The following F13A1 variants were observed in gnomAD, a reference collection of about 807,000 sequenced individuals.
The protein encoded by F13A1 is coagulation factor XIII A chain.
F13A1 carries 47 observed loss-of-function variants against 80.1 expected under a neutral mutation model. That is an observed-to-expected ratio of 0.59 (90% CI 0.46 to 0.75). The LOEUF (loss-of-function observed/expected upper bound fraction) is 0.75, where lower values mean the gene tolerates loss of function less well. Ranked by LOEUF, F13A1 falls within the 30% of genes least tolerant of loss-of-function variation. F13A1 has a pLI of 0.00. For synonymous variants in F13A1, 349 were observed against 344.9 expected, an observed-to-expected ratio of 1.01 and a Z score of -0.13; for missense variants, 817 against 930.4, an observed-to-expected ratio of 0.88 and a Z score of 1.59.
intron 3 of F13A1, among the ~76,000 whole-genome samples, chr6:6,267,911 CT>C (rs1474741468): frequency 1.3e-5 from 2 of 152,156 alleles, no homozygotes; most frequent in Non-Finnish European, 2.9e-5. Context: ...AAAGCTTCAC[CT>C]TTGTACTAAC....
chr6:6,262,294 C>T (rs955534539), intron 4 of F13A1, among the ~76,000 whole-genome samples: 31 of 152,344 alleles, frequency 2.0e-4, no homozygotes, highest in African/African-American at 7.0e-4. Context: ...CCACAGAGTG[C>T]ATCCTTCCTG....
intron 14 of F13A1, among the ~76,000 whole-genome samples, chr6:6,148,487 T>G (rs748116968): frequency 1.3e-5 from 2 of 152,222 alleles, no homozygotes; most frequent in East Asian, 3.8e-4. Flanking sequence ...ATTTAAGAGC[T>G]GTATTCTAGA....
intron 3 of F13A1, among the ~76,000 whole-genome samples, chr6:6,299,483 CTTCATTTCG>C (rs1254476625): frequency 7.9e-6 from 1 of 126,220 alleles, no homozygotes; most frequent in African/African-American, 4.3e-5. Flanking sequence ...TCCCTTCTCA[CTTCATTTCG>C]TTCATTTCAT....
chr6:6,217,463 G>A (rs185040338), intron 8 of F13A1, among the ~76,000 whole-genome samples: 1 of 146,850 alleles, frequency 6.8e-6, no homozygotes, highest in Admixed American at 7.0e-5. Context: ...TCACTCATAG[G>A]TGGGAATTGA....
intron 5 of F13A1, among the ~76,000 whole-genome samples, chr6:6,249,577 G>A (rs765649178): frequency 6.6e-6 from 1 of 152,174 alleles, no homozygotes; most frequent in African/African-American, 2.4e-5. Flanking sequence ...AGGCAAGCTG[G>A]CGAAGAGTGC....
chr6:6,314,350 C>T (rs1758650496), intron 2 of F13A1, among the ~76,000 whole-genome samples: 1 of 152,098 alleles, frequency 6.6e-6, no homozygotes, highest in African/African-American at 2.4e-5. Flanking sequence ...TCAAGTCCCG[C>T]ATTATCTGCA....
chr6:6,261,598 A>G, intron 4 of F13A1, among the ~76,000 whole-genome samples: 1 of 82,548 alleles, frequency 1.2e-5, no homozygotes. Context: ...GGTGATTCTG[A>G]TGTGTTCCAA....
At chr6:6,248,527 T>A in intron 5 of F13A1, 108 bp from the exon 6 acceptor site, 2 of 829,270 alleles carry the variant, frequency 2.4e-6, no homozygotes, top group Non-Finnish European at 4.0e-6. Flanking sequence ...GAAATGTGTG[T>A]TTCCTGTATA....
At chr6:6,163,586 G>A (rs578041325) in intron 13 of F13A1, among the ~76,000 whole-genome samples, 1 of 152,264 alleles carries the variant, frequency 6.6e-6, no homozygotes, top group South Asian at 2.1e-4. Flanking sequence ...GTGAGAACGT[G>A]CAGTATTCGG....
At chr6:6,299,384 A>G (rs1024094125) in intron 3 of F13A1, among the ~76,000 whole-genome samples, 2 of 130,888 alleles carry the variant, frequency 1.5e-5, no homozygotes, top group African/African-American at 7.4e-5. Context: ...TTTCAGGTAC[A>G]CCAATCAGAC....
At chr6:6,232,965 G>A (rs1757371803) in intron 6 of F13A1, among the ~76,000 whole-genome samples, 1 of 152,082 alleles carries the variant, frequency 6.6e-6, no homozygotes, top group African/African-American at 2.4e-5. Context: ...GTGCTAGGAG[G>A]AAAGTTCATA....
At chr6:6,245,996 C>G (rs1449586910) in intron 6 of F13A1, among the ~76,000 whole-genome samples, 4 of 152,224 alleles carry the variant, frequency 2.6e-5, no homozygotes, top group Non-Finnish European at 5.9e-5. Context: ...GGCCTGGGCC[C>G]AGCCCCTGAG....
chr6:6,280,942 A>T (rs1482268205), intron 3 of F13A1, among the ~76,000 whole-genome samples: 3 of 152,188 alleles, frequency 2.0e-5, no homozygotes, highest in African/African-American at 7.2e-5. Flanking sequence ...GAGTGCTTTA[A>T]GCATGTACCC....
intron 6 of F13A1, among the ~76,000 whole-genome samples, chr6:6,237,936 T>C (rs1161475310): frequency 1.3e-5 from 2 of 152,214 alleles, no homozygotes; most frequent in East Asian, 3.8e-4. Context: ...AGAATGCCAA[T>C]AGGCACTTCA....
At chr6:6,191,315 T>G (rs946961496) in intron 10 of F13A1, among the ~76,000 whole-genome samples, 8 of 152,218 alleles carry the variant, frequency 5.3e-5, no homozygotes, top group Non-Finnish European at 1.2e-4. Flanking sequence ...TGGTACTACT[T>G]GTGAAAGCCC....
At position 6,164,833 on chromosome 6, in the gene F13A1, T is replaced by TCCCTCCCTTC. The variant is rs1760638466; in HGVS notation, c.1908+2615_1908+2624dup. 2.2e-5 allele frequency among the ~76,000 whole-genome samples: 3 copies of TCCCTCCCTTC among 138,618 alleles called. No homozygotes were observed. The Admixed American group carries it at 2.2e-4, about 10-fold the overall frequency. The allele number at this position is 138,618 out of a possible 152,430, so 90.9% of individuals were successfully genotyped here. A position where few individuals can be genotyped will look rare whatever the true frequency, so the allele number is the denominator to read the frequency against. On this transcript the variant is annotated intron_variant, in intron 13 of 14. Transcript: ENST00000264870. ...CTCTCCCCTCTGTTCTTCTCTCCTCTCCCTCCCTTCCCCTCCCTCCTTCCC... is the reference window on the plus strand; with the variant it reads ...CTCTCCCCTCTGTTCTTCTCTCCTCTCCCTCCCTTCCCCTCCCTTCCCCTCCCTCCTTCCC...
At chr6:6,294,895 T>G (rs13212799) in intron 3 of F13A1, among the ~76,000 whole-genome samples, 1 of 77,420 alleles carries the variant, frequency 1.3e-5, no homozygotes, top group Non-Finnish European at 2.4e-5. Context: ...CCCTCCCCCC[T>G]CCCCCCACCC....
intron 8 of F13A1, among the ~76,000 whole-genome samples, chr6:6,209,945 G>T (rs1488902419): frequency 6.6e-6 from 1 of 152,092 alleles, no homozygotes; most frequent in Non-Finnish European, 1.5e-5. Flanking sequence ...ACTAAAAATG[G>T]CCTAGTGCCG....
At chr6:6,179,074 A>G (rs75812973) in intron 11 of F13A1, among the ~76,000 whole-genome samples, 4 of 152,266 alleles carry the variant, frequency 2.6e-5, no homozygotes, top group African/African-American at 4.8e-5. Context: ...AGATTTTTGT[A>G]ATTTTTGTTT....
Sources: allele counts gnomAD v4.1 joint callset (sites outside exome capture counted in the v4.1 genomes callset), GRCh38; gene constraint gnomAD v4.1.1; transcripts MANE v1.5; gene names NCBI Gene and HGNC (gene_info 2026-07-23, HGNC 2026-07-21).